The following HACD4 variants were observed in gnomAD, a reference collection of about 807,000 sequenced individuals.
The protein encoded by HACD4 is very-long-chain (3R)-3-hydroxyacyl-CoA dehydratase 4.
Under a neutral mutation model 33.3 loss-of-function variants are expected in HACD4, and 35 were observed. The observed-to-expected ratio is 1.05, with a 90% CI of 0.80 to 1.39. HACD4 has a LOEUF of 1.39. Ranked by LOEUF, HACD4 falls within the 40% of genes most tolerant of loss-of-function variation. The pLI is 0.00. For missense variants in HACD4, 323 were observed against 276.5 expected (o/e 1.17, Z -1.19); for synonymous variants, 118 against 98.0 (o/e 1.20, Z -1.21).
At chr9:21,009,401 A>G (rs1273328104) in intron 5 of HACD4, among the ~76,000 whole-genome samples, 1 of 152,140 alleles carries the variant, frequency 6.6e-6, no homozygotes, top group African/African-American at 2.4e-5. Flanking sequence ...ATATAAGAAC[A>G]TGGCTTTCCT....
chr9:21,011,339 C>T (rs1004663584), intron 5 of HACD4, among the ~76,000 whole-genome samples: 3 of 152,200 alleles, frequency 2.0e-5, no homozygotes, highest in African/African-American at 4.8e-5. Context: ...TTACCCAAAA[C>T]TCACACAGTG....
At position 21,025,282 on chromosome 9, in the gene HACD4, C is replaced by T. The variant is rs140055143; in HGVS notation, c.270+1314G>A. On this transcript the variant is annotated intron_variant, in intron 3 of 6. Transcript: ENST00000495827. ...AAATATTCCATAAACTTGTAATGCTCAGTTCTTAAAAGGCTCCTTAGGATT... is the reference window on the plus strand; with the variant it reads ...AAATATTCCATAAACTTGTAATGCTTAGTTCTTAAAAGGCTCCTTAGGATT... 2.0e-4 allele frequency among the ~76,000 whole-genome samples: 30 copies of T among 152,204 alleles called. 1 individual carries two copies. Among genetic ancestry groups the T allele is most frequent in the African/African-American group, 6.7e-4 (28 of 41,546 alleles).
chr9:21,031,511 C>G (rs1488334707), intron 1 of HACD4, 42 bp downstream of exon 1: 159 of 1,452,966 alleles, frequency 1.1e-4, no homozygotes, highest in Non-Finnish European at 1.4e-4. Context: ...CCAGGCCCTC[C>G]ACCCGCGCCC....
At chr9:21,019,909 G>A (rs549803709) in intron 3 of HACD4, among the ~76,000 whole-genome samples, 2 of 152,158 alleles carry the variant, frequency 1.3e-5, no homozygotes, top group South Asian at 4.1e-4. Context: ...CTGCTTCATG[G>A]CTAAAAATAA....
intron 1 of HACD4, 69 bp from the exon 2 acceptor site, chr9:21,029,467 C>G (rs1474102855): frequency 2.1e-6 from 2 of 936,640 alleles, no homozygotes; most frequent in African/African-American, 1.7e-5. Flanking sequence ...TACACATGCC[C>G]TTTAATGTAC....
chr9:21,023,817 C>T (rs572598975), intron 3 of HACD4, among the ~76,000 whole-genome samples: 42 of 152,208 alleles, frequency 2.8e-4, no homozygotes, highest in African/African-American at 8.4e-4. Flanking sequence ...CCTCGTGATC[C>T]GACCGCCTCA....
intron 6 of HACD4, among the ~76,000 whole-genome samples, chr9:21,007,549 C>A (rs987536104): frequency 6.6e-6 from 1 of 152,102 alleles, no homozygotes; most frequent in Non-Finnish European, 1.5e-5. Flanking sequence ...GTTTAATGAT[C>A]AAATTTATTC....
In HACD4 at chr9:21,006,131, AGG is replaced by A. The variant is rs1405883950; in HGVS notation, c.*904_*905del. On this transcript the variant is annotated 3_prime_UTR_variant, in exon 7 of 7. Transcript: ENST00000495827. This position sits in a 1 kb window ranked among gnomAD's most constrained non-coding sequence, Gnocchi z 4.6. ...AGGAGGACATGAATTTTGTAGGACC[AGG>A]TACAGAATGCTATGGAGTGAATCTT... is the stretch of plus-strand genomic sequence containing the variant. 6.6e-6 allele frequency: 1 copy of A among 152,210 alleles called. No individual in the cohort carries two copies. The allele number at this position is 152,210 out of a possible 1,614,324, so 9.4% of individuals were successfully genotyped here.
chr9:21,017,698 A>G (rs1587832472), intron 3 of HACD4: 1 of 152,230 alleles, frequency 6.6e-6, no homozygotes, highest in African/African-American at 2.4e-5. Flanking sequence ...CTGGCTACTC[A>G]AAAAACTTAG....
At chr9:21,028,855 G>A (rs1223395451) in intron 2 of HACD4, among the ~76,000 whole-genome samples, 1 of 152,164 alleles carries the variant, frequency 6.6e-6, no homozygotes, top group Non-Finnish European at 1.5e-5. Context: ...ATAGAGGCTT[G>A]GGGAATATAA....
At chr9:21,027,914 C>A (rs1818104365) in intron 2 of HACD4, among the ~76,000 whole-genome samples, 1 of 152,198 alleles carries the variant, frequency 6.6e-6, no homozygotes, top group African/African-American at 2.4e-5. Context: ...GCAGGCGGAT[C>A]ACCTTTGGTC....
chr9:21,023,591 T>G (rs1213672319), intron 3 of HACD4, among the ~76,000 whole-genome samples: 1 of 151,228 alleles, frequency 6.6e-6, no homozygotes, highest in Non-Finnish European at 1.5e-5. Flanking sequence ...TTTTTTTTTT[T>G]TGAGACGGAG....
intron 1 of HACD4, 133 bp from the exon 2 acceptor site, chr9:21,029,531 T>C (rs927331003): frequency 3.8e-6 from 2 of 524,642 alleles, no homozygotes; most frequent in East Asian, 6.5e-5. Context: ...TTTTATCTGG[T>C]TACCCCCAAG....
intron 3 of HACD4, among the ~76,000 whole-genome samples, chr9:21,024,542 G>A (rs187384992): frequency 1.9e-4 from 29 of 152,246 alleles, no homozygotes; most frequent in African/African-American, 6.3e-4. Context: ...TTAAAATCAG[G>A]TGTATATTCT....
At position 21,019,908 on chromosome 9, in the gene HACD4, G is replaced by T. The variant is rs529737872; in HGVS notation, c.271-3898C>A. 1.5e-3 allele frequency among the ~76,000 whole-genome samples: 233 copies of T among 152,122 alleles called. 3 individuals are homozygous for T. Among genetic ancestry groups the T allele is most frequent in the African/African-American group, 5.5e-3 (228 of 41,504 alleles). On this transcript the variant is annotated intron_variant, in intron 3 of 6. Transcript: ENST00000495827. ...CAATGCAAATAAGCACCTGCTTCAT[G>T]GCTAAAAATAAATTAGGGTAAAATC... is the stretch of plus-strand genomic sequence containing the variant.
intron 3 of HACD4, among the ~76,000 whole-genome samples, chr9:21,024,738 C>T (rs1462904676): frequency 6.6e-6 from 1 of 152,180 alleles, no homozygotes; most frequent in Non-Finnish European, 1.5e-5. Context: ...AATTAAATAA[C>T]ACTACTTTTG....
At chr9:21,026,543 GAAAAA>G (rs941936443) in intron 3 of HACD4, 48 bp downstream of exon 3, 47 of 1,477,394 alleles carry the variant, frequency 3.2e-5, no homozygotes, top group Non-Finnish European at 3.8e-5. Flanking sequence ...GCTTTAAAGA[GAAAAA>G]ATGTAAAAAT....
intron 3 of HACD4, among the ~76,000 whole-genome samples, chr9:21,022,637 A>C (rs1316964458): frequency 5.6e-5 from 1 of 17,960 alleles, no homozygotes; most frequent in Non-Finnish European, 2.4e-4. Flanking sequence ...ATCACTGGCC[A>C]TAGAGAAATG....
At position 21,004,547 on chromosome 9, in the gene HACD4, A is replaced by G. The variant is rs1842224563; in HGVS notation, c.*2490T>C. ...TGGTTTCTCCCTCCACCATGTGAAC[A>G]TATAGCAAGAAGGCATTCATCTGCA... On this transcript the variant is annotated 3_prime_UTR_variant, in exon 7 of 7. Transcript: ENST00000495827. The surrounding 1 kb of genome is among the most constrained non-coding windows in gnomAD (Gnocchi z 4.6). The G allele has an allele frequency of 6.6e-6, 1 of 152,382 alleles. No individual in the cohort carries two copies. Among genetic ancestry groups the G allele is most frequent in the South Asian group, 2.1e-4 (1 of 4,824 alleles). 9.4% of individuals were successfully genotyped at this position (152,382 alleles called of 1,614,324 possible). A position where few individuals can be genotyped will look rare whatever the true frequency, so the allele number is the denominator to read the frequency against.
Sources: gnomAD v4.1 joint callset for allele counts (sites outside exome capture counted in the v4.1 genomes callset) on GRCh38, gnomAD v4.1.1 for gene constraint, Gnocchi (gnomAD v3.1) non-coding constraint, MANE v1.5 for transcripts, NCBI Gene and HGNC (gene_info 2026-07-23, HGNC 2026-07-21) for gene names.